The following MICOS10 variants were observed in gnomAD, a reference collection of about 807,000 sequenced individuals.
The protein encoded by MICOS10 is mitochondrial contact site and cristae organizing system subunit 10.
MICOS10 carries 5 observed loss-of-function variants against 13.4 expected under a neutral mutation model. That is an observed-to-expected ratio of 0.37 (90% CI 0.20 to 0.78). The LOEUF (loss-of-function observed/expected upper bound fraction) is 0.78. Ranked by LOEUF, MICOS10 falls within the 30% of genes least tolerant of loss-of-function variation. The pLI, the probability that MICOS10 is intolerant of heterozygous loss-of-function variation, is 0.47. For missense variants in MICOS10, 101 were observed against 94.6 expected (o/e 1.07, Z -0.28); for synonymous variants, 35 against 33.6 (o/e 1.04, Z -0.15).
intron 1 of MICOS10, among the ~76,000 whole-genome samples, chr1:19,602,768 A>G (rs1479520048): frequency 6.6e-6 from 1 of 152,140 alleles, no homozygotes; most frequent in Non-Finnish European, 1.5e-5. Context: ...AATCTGTCTT[A>G]GTACCCATGA....
chr1:19,616,940 C>G (rs1362024240), intron 1 of MICOS10, among the ~76,000 whole-genome samples: 1 of 152,152 alleles, frequency 6.6e-6, no homozygotes, highest in Non-Finnish European at 1.5e-5. Context: ...AATTTTGTAT[C>G]TTTTTTTCTC....
chr1:19,605,792 G>A (rs777777406), intron 1 of MICOS10, among the ~76,000 whole-genome samples: 1 of 152,166 alleles, frequency 6.6e-6, no homozygotes, highest in Non-Finnish European at 1.5e-5. Flanking sequence ...GGGCTCAAGT[G>A]ATCCTCCTGC....
In MICOS10 at chr1:19,604,401, C is replaced by T. The variant is rs549842433; in HGVS notation, c.64+7292C>T. Among the ~76,000 whole-genome samples the T allele has an allele frequency of 5.3e-5, 8 of 152,074 alleles. No homozygotes were observed. In the South Asian group the frequency reaches 1.0e-3, roughly 20 times the overall value. On this transcript the variant is annotated intron_variant, in intron 1 of 3. Coordinates refer to ENST00000322753, the MANE Select transcript of MICOS10 (RefSeq NM_001032363.4). ...GTACGCACCTGTAGTCCCAGCTACT[C>T]GAGAAGCTGAGGCATGAGAATCGCT...
At chr1:19,605,089 G>A (rs922433303) in intron 1 of MICOS10, among the ~76,000 whole-genome samples, 21 of 152,084 alleles carry the variant, frequency 1.4e-4, no homozygotes, top group Admixed American at 4.6e-4. Flanking sequence ...CCTCCTTTAG[G>A]ATCACAGGCT....
At chr1:19,623,729 A>C (rs991531178) in intron 3 of MICOS10, 146 bp downstream of exon 3, 3 of 607,930 alleles carry the variant, frequency 4.9e-6, no homozygotes, top group Non-Finnish European at 2.9e-6. Context: ...TTTGGCCTTC[A>C]GTGATGTCAT....
At chr1:19,601,054 C>A in intron 1 of MICOS10, 1 of 1,256,526 alleles carries the variant, frequency 8.0e-7, no homozygotes, top group Non-Finnish European at 1.0e-6. Flanking sequence ...CACCTGTTTG[C>A]TGTACGATGA....
In MICOS10 at chr1:19,606,220, G is replaced by T. The variant is rs150404369; in HGVS notation, c.64+9111G>T. 6.8e-3 allele frequency among the ~76,000 whole-genome samples: 1,029 copies of T among 152,308 alleles called. 5 individuals carry two copies. Among genetic ancestry groups the T allele is most frequent in the Non-Finnish European group, 0.01 (685 of 68,026 alleles). On this transcript the variant is annotated intron_variant, in intron 1 of 3. Transcript: ENST00000322753. ...TTACAGAACTTGAAATGCAGGCTCA[G>T]GAGTGGGAGGAGTCAGGTGGTGCCA...
chr1:19,617,419 TAC>T (rs1214230726), intron 1 of MICOS10: 44 of 527,564 alleles, frequency 8.3e-5, no homozygotes, highest in Non-Finnish European at 9.5e-5. Context: ...AGCTGATTAA[TAC>T]AGACTAAATT....
Position 19,610,443 on chromosome 1 carries a change from A to G in MICOS10, c.65-11657A>G, listed in dbSNP as rs75870747. Among the ~76,000 whole-genome samples, 1,183 of 131,514 alleles carry G rather than the reference A, an allele frequency of 9.0e-3. 11 individuals carry two copies. The highest frequency in any genetic ancestry group is 0.03 in the African/African-American group (1,014 of 34,022). 86.3% of individuals were successfully genotyped at this position (131,514 alleles called of 152,430 possible). ...GCCCAGGCTGGAGTACAGTGACACAATCGTGGCTCACTGCATCTTCTGCCT... is the reference window on the plus strand; with the variant it reads ...GCCCAGGCTGGAGTACAGTGACACAGTCGTGGCTCACTGCATCTTCTGCCT... On this transcript the variant is annotated intron_variant, in intron 1 of 3. Transcript: ENST00000322753.
chr1:19,602,341 G>A (rs1451021811), intron 1 of MICOS10, among the ~76,000 whole-genome samples: 3 of 152,134 alleles, frequency 2.0e-5, no homozygotes, highest in Admixed American at 6.5e-5. Context: ...ATTTCTGCCC[G>A]TTCACATGTT....
intron 1 of MICOS10, among the ~76,000 whole-genome samples, chr1:19,617,514 G>A (rs2094888621): frequency 6.6e-6 from 1 of 152,130 alleles, no homozygotes; most frequent in Non-Finnish European, 1.5e-5. Flanking sequence ...GGGACAATCT[G>A]TCTTGTCCTC....
At chr1:19,624,276 T>A (rs1228497619) in intron 3 of MICOS10, among the ~76,000 whole-genome samples, 1 of 152,108 alleles carries the variant, frequency 6.6e-6, no homozygotes, top group Non-Finnish European at 1.5e-5. Flanking sequence ...GGTGGATTTT[T>A]ATTTTTATTT....
In MICOS10 at chr1:19,621,352, T is replaced by C. The variant is rs143001222; in HGVS notation, c.65-748T>C. Reference sequence around the variant, plus strand: ...AGGTTGTCTAGCATTCTGAGCTGTATGGGGAGCACAGTCATATTTTGGCTG... The same window carrying C: ...AGGTTGTCTAGCATTCTGAGCTGTACGGGGAGCACAGTCATATTTTGGCTG... On this transcript the variant is annotated intron_variant, in intron 1 of 3. Transcript: ENST00000322753. Among the ~76,000 whole-genome samples, 850 of 152,266 alleles carry C rather than the reference T, an allele frequency of 5.6e-3. 6 individuals carry two copies. The highest frequency in any genetic ancestry group is 0.019 in the African/African-American group (780 of 41,540).
chr1:19,598,168 A>C (rs2792043), intron 1 of MICOS10: 96,840 of 152,120 alleles, frequency 0.64, 32,610 homozygotes, highest in African/African-American at 0.87. Context: ...AACAGTTTAT[A>C]AGTTACCATT....
At chr1:19,605,733 T>C (rs1432113813) in intron 1 of MICOS10, among the ~76,000 whole-genome samples, 3 of 152,174 alleles carry the variant, frequency 2.0e-5, no homozygotes, top group Non-Finnish European at 4.4e-5. Flanking sequence ...CACATTTTTG[T>C]TTTGTTTTGA....
chr1:19,597,284 GGCACAGACC>G (rs994910549), intron 1 of MICOS10, among the ~76,000 whole-genome samples, 175 bp downstream of exon 1: 3 of 152,238 alleles, frequency 2.0e-5, no homozygotes, highest in African/African-American at 7.2e-5. Flanking sequence ...TCGGGCGGCG[GGCACAGACC>G]CGAGGAGCCG....
intron 1 of MICOS10, among the ~76,000 whole-genome samples, chr1:19,620,294 G>A (rs1052221784): frequency 2.6e-5 from 4 of 152,212 alleles, no homozygotes; most frequent in African/African-American, 9.7e-5. Context: ...GGTGTCCCCC[G>A]ATCAGGTGGG....
At chr1:19,602,089 T>C (rs1415766416) in intron 1 of MICOS10, among the ~76,000 whole-genome samples, 1 of 152,230 alleles carries the variant, frequency 6.6e-6, no homozygotes, top group Non-Finnish European at 1.5e-5. Context: ...AATTTGTAAT[T>C]GGTTTCTTTA....
intron 1 of MICOS10, among the ~76,000 whole-genome samples, chr1:19,615,589 C>T (rs74551669): frequency 6.6e-6 from 1 of 151,956 alleles, no homozygotes; most frequent in African/African-American, 2.4e-5. Context: ...TTTTTTCCCC[C>T]CAAGACAGAG....
Sources: allele counts gnomAD v4.1 joint callset (sites outside exome capture counted in the v4.1 genomes callset), GRCh38; gene constraint gnomAD v4.1.1; transcripts MANE v1.5; gene names NCBI Gene and HGNC (gene_info 2026-07-23, HGNC 2026-07-21).